The following ADAMTS3 variants were observed in gnomAD, a reference collection of about 807,000 sequenced individuals.
ADAMTS3 encodes the protein ADAM metallopeptidase with thrombospondin type 1 motif 3.
A neutral mutation model predicts 129.0 loss-of-function variants in ADAMTS3; 73 were observed. The ratio of observed to expected loss-of-function variants is 0.57; its 90% CI spans 0.47 to 0.69. The LOEUF (loss-of-function observed/expected upper bound fraction) is 0.69, where lower values mean the gene tolerates loss of function less well. Among genes scored for constraint, ADAMTS3 ranks in the 30% least tolerant of loss-of-function variants. The pLI is 0.00. For synonymous variants in ADAMTS3, 477 were observed against 510.8 expected (o/e 0.93, Z 0.89); for missense variants, 1,457 against 1,514.5 (o/e 0.96, Z 0.63).
Position 72,288,844 on chromosome 4 carries a change from T to C in ADAMTS3, c.2956A>G (p.Thr986Ala). The C allele has an allele frequency of 6.2e-7, 1 of 1,612,906 alleles. No individual in the cohort carries two copies. The highest frequency in any genetic ancestry group is 8.5e-7 in the Non-Finnish European group (1 of 1,179,632). The change falls in exon 21 of 22, where the codon ACG becomes GCG. Residue 986 changes from threonine to alanine, a missense_variant. Thr to Ala is a moderately conservative substitution (Grantham distance 58). Transcript: ENST00000286657. Reference protein sequence around the residue: ...SECSVTCGEGTEVRQVLCRAG... With the variant: ...SECSVTCGEGAEVRQVLCRAG... ...CTGCAGAGGACCTGCCTCACCTCCG[T>C]TCCTTCACCGCAGGTCACTGAACAC...
chr4:72,456,393 TTATAG>T (rs1560522884), intron 3 of ADAMTS3, among the ~76,000 whole-genome samples: 15 of 139,758 alleles, frequency 1.1e-4, no homozygotes, highest in Non-Finnish European at 2.0e-4. Flanking sequence ...AGTATATATA[TTATAG>T]ATTTTATATA....
intron 4 of ADAMTS3, among the ~76,000 whole-genome samples, chr4:72,384,886 G>A (rs1239173446): frequency 6.6e-6 from 1 of 152,038 alleles, no homozygotes; most frequent in Non-Finnish European, 1.5e-5. Flanking sequence ...AAGAAAACTG[G>A]GGCCGGGTGT....
intron 4 of ADAMTS3, among the ~76,000 whole-genome samples, chr4:72,381,380 G>T (rs1238550130): frequency 6.6e-6 from 1 of 151,904 alleles, no homozygotes; most frequent in Admixed American, 6.6e-5. Flanking sequence ...TTCTTACATC[G>T]AGTGCTATTG....
chr4:72,540,992 G>A (rs1259073124), intron 3 of ADAMTS3, among the ~76,000 whole-genome samples: 1 of 152,194 alleles, frequency 6.6e-6, no homozygotes, highest in Non-Finnish European at 1.5e-5. Flanking sequence ...GTGGAGCTGT[G>A]AGAAGAGGGC....
At chr4:72,485,815 GTCATGAGGGCTTTGCCCTCATAAA>G (rs1719575941) in intron 3 of ADAMTS3, among the ~76,000 whole-genome samples, 1 of 152,256 alleles carries the variant, frequency 6.6e-6, no homozygotes, top group East Asian at 1.9e-4. Flanking sequence ...AGGTAATAAG[GTCATGAGGGCTTTGCCCTCATAAA>G]TGAGATTAGT....
intron 3 of ADAMTS3, among the ~76,000 whole-genome samples, chr4:72,442,925 C>A (rs1718157467): frequency 6.6e-6 from 1 of 151,716 alleles, no homozygotes; most frequent in African/African-American, 2.4e-5. Flanking sequence ...AATTCTTTAA[C>A]CTTGGATTAG....
chr4:72,345,455 G>A (rs935972058), intron 4 of ADAMTS3, among the ~76,000 whole-genome samples: 1 of 151,982 alleles, frequency 6.6e-6, no homozygotes, highest in African/African-American at 2.4e-5. Context: ...TTCCTAAAAG[G>A]ATACAGTAAC....
chr4:72,288,430 G>T (rs1369667092), intron 21 of ADAMTS3, among the ~76,000 whole-genome samples: 2 of 152,134 alleles, frequency 1.3e-5, no homozygotes, highest in African/African-American at 4.8e-5. Context: ...TGAAGTTATA[G>T]TTAAATATAA....
At chr4:72,441,587 G>A (rs975611638) in intron 3 of ADAMTS3, 2 of 151,688 alleles carry the variant, frequency 1.3e-5, no homozygotes, top group East Asian at 3.9e-4. Context: ...GTGTCCTACT[G>A]AAGAAATCTT....
At chr4:72,326,052 T>C (rs1719690156) in intron 5 of ADAMTS3, among the ~76,000 whole-genome samples, 1 of 152,094 alleles carries the variant, frequency 6.6e-6, no homozygotes, top group Non-Finnish European at 1.5e-5. Context: ...AATAAAAGTA[T>C]TACTTAACAA....
intron 5 of ADAMTS3, among the ~76,000 whole-genome samples, chr4:72,325,975 A>G (rs935889342): frequency 1.3e-5 from 2 of 152,182 alleles, no homozygotes; most frequent in African/African-American, 2.4e-5. Context: ...ATTAATCTCA[A>G]TAGCAAATAG....
intron 3 of ADAMTS3, among the ~76,000 whole-genome samples, chr4:72,547,892 C>T (rs568571948): frequency 6.6e-6 from 1 of 152,194 alleles, no homozygotes; most frequent in East Asian, 1.9e-4. Flanking sequence ...CCCTCAACCA[C>T]AAAACTGAAA....
chr4:72,433,115 T>C (rs1367498778), intron 3 of ADAMTS3, among the ~76,000 whole-genome samples: 1 of 151,892 alleles, frequency 6.6e-6, no homozygotes, highest in Non-Finnish European at 1.5e-5. Flanking sequence ...CTTCTTATGA[T>C]GGAAAAAACA....
At chr4:72,477,063 T>C (rs994491719) in intron 3 of ADAMTS3, among the ~76,000 whole-genome samples, 7 of 152,034 alleles carry the variant, frequency 4.6e-5, no homozygotes, top group African/African-American at 1.7e-4. Flanking sequence ...AAAAAACCTA[T>C]AGATAACATT....
intron 4 of ADAMTS3, among the ~76,000 whole-genome samples, chr4:72,414,482 T>A (rs1440786052): frequency 6.6e-6 from 1 of 151,902 alleles, no homozygotes; most frequent in African/African-American, 2.4e-5. Flanking sequence ...AAAATAACAG[T>A]GATAATTCAT....
In ADAMTS3 at chr4:72,322,964, T is replaced by A. The variant is rs779482430; in HGVS notation, c.945+50A>T. ...TAGCTTGAACAATTTAGTCTTCTATTTGCTAACCCAGTCCCTAATGTTTAT... is the reference window on the plus strand; with the variant it reads ...TAGCTTGAACAATTTAGTCTTCTATATGCTAACCCAGTCCCTAATGTTTAT... On this transcript the variant is annotated intron_variant, in intron 6 of 21. Coordinates refer to ENST00000286657, the MANE Select transcript of ADAMTS3 (RefSeq NM_014243.3). 2.1e-6 allele frequency: 3 copies of A among 1,415,324 alleles called. No individual in the cohort carries two copies. In the Admixed American group the frequency reaches 5.0e-5, roughly 24 times the overall value. 87.7% of individuals were successfully genotyped at this position (1,415,324 alleles called of 1,614,324 possible).
chr4:72,567,297 A>G, intron 2 of ADAMTS3, 77 bp downstream of exon 2: 1 of 1,404,008 alleles, frequency 7.1e-7, no homozygotes, highest in Non-Finnish European at 1.0e-6. Context: ...ACATTTCAGA[A>G]ACAATATTTT....
At chr4:72,534,593 G>A (rs1721140952) in intron 3 of ADAMTS3, among the ~76,000 whole-genome samples, 2 of 152,082 alleles carry the variant, frequency 1.3e-5, no homozygotes, top group South Asian at 2.1e-4. Flanking sequence ...AATTTTGTAT[G>A]TTTTTATTTT....
intron 3 of ADAMTS3, among the ~76,000 whole-genome samples, chr4:72,420,138 C>T (rs1324184690): frequency 1.3e-5 from 2 of 152,094 alleles, no homozygotes; most frequent in Non-Finnish European, 1.5e-5. Flanking sequence ...CTCCCCTTCT[C>T]ACCTAGATTA....
Sources: gnomAD v4.1 joint callset for allele counts (sites outside exome capture counted in the v4.1 genomes callset) on GRCh38, gnomAD v4.1.1 for gene constraint, MANE v1.5 for transcripts, NCBI Gene and HGNC (gene_info 2026-07-23, HGNC 2026-07-21) for gene names.